The following MAP3K7 variants were observed in gnomAD, a reference collection of about 807,000 sequenced individuals.
The protein encoded by MAP3K7 is TGF-beta activated kinase 1.
MAP3K7 carries 21 observed loss-of-function variants against 84.8 expected under a neutral mutation model. The ratio of observed to expected loss-of-function variants is 0.25; its 90% CI spans 0.18 to 0.36. The LOEUF (loss-of-function observed/expected upper bound fraction) is 0.36. Ranked by LOEUF, MAP3K7 falls within the 10% of genes least tolerant of loss-of-function variation. The pLI is 1.00. For synonymous variants in MAP3K7, 241 were observed against 247.7 expected, an observed-to-expected ratio of 0.97 and a Z score of 0.25; for missense variants, 503 against 747.7, an observed-to-expected ratio of 0.67 and a Z score of 3.82.
intron 14 of MAP3K7, among the ~76,000 whole-genome samples, chr6:90,520,807 AC>A (rs952378584): frequency 6.6e-6 from 1 of 152,074 alleles, no homozygotes; most frequent in Non-Finnish European, 1.5e-5. Context: ...GTGGTTTCAA[AC>A]TACGCTCCCA....
intron 14 of MAP3K7, among the ~76,000 whole-genome samples, chr6:90,521,395 T>A (rs534660736): frequency 6.6e-6 from 1 of 152,178 alleles, no homozygotes; most frequent in East Asian, 1.9e-4. Context: ...ACAACACTTG[T>A]TACTATCTCA....
In MAP3K7 at chr6:90,536,285, T is replaced by C. The variant is rs528615625; in HGVS notation, c.1356+52A>G. ...TTGCAGAGTAGAATACAGTTAATTC[T>C]TGTTTTCTGCCTAGTATTCTTCAAA... On this transcript the variant is annotated intron_variant, in intron 13 of 16. Transcript: ENST00000369329. The C allele has an allele frequency of 8.4e-6, 12 of 1,432,078 alleles. No individual in the cohort carries two copies. The East Asian group carries it at 2.5e-4, about 30-fold the overall frequency. The allele number at this position is 1,432,078 out of a possible 1,614,324, so 88.7% of individuals were successfully genotyped here.
intron 3 of MAP3K7, 141 bp downstream of exon 3, chr6:90,568,417 G>A (rs190812034): frequency 4.5e-5 from 28 of 617,840 alleles, no homozygotes; most frequent in African/African-American, 9.3e-5. Context: ...AGTATTGGAG[G>A]TACCTTTTTA....
At chr6:90,539,292 A>AT (rs1158746515) in intron 12 of MAP3K7, among the ~76,000 whole-genome samples, 1 of 151,930 alleles carries the variant, frequency 6.6e-6, no homozygotes, top group Non-Finnish European at 1.5e-5. Context: ...ATCTTGGTAG[A>AT]CTATACAATA....
At chr6:90,570,738 T>G (rs1776874055) in intron 2 of MAP3K7, among the ~76,000 whole-genome samples, 1 of 152,218 alleles carries the variant, frequency 6.6e-6, no homozygotes, top group Non-Finnish European at 1.5e-5. Flanking sequence ...TGACTTGTGA[T>G]TCCTAATGTT....
intron 1 of MAP3K7, 127 bp from the exon 2 acceptor site, chr6:90,571,934 G>C (rs1048144108): frequency 4.2e-5 from 20 of 481,870 alleles, no homozygotes; most frequent in Middle Eastern, 3.9e-4. Context: ...AAAAAACATG[G>C]AAATCAACAG....
intron 1 of MAP3K7, among the ~76,000 whole-genome samples, chr6:90,582,025 C>T (rs762541084): frequency 3.3e-5 from 5 of 152,148 alleles, no homozygotes; most frequent in Non-Finnish European, 5.9e-5. Flanking sequence ...AATACTATAG[C>T]TTTGTTCCTA....
chr6:90,531,136 A>G (rs888601985), intron 13 of MAP3K7, among the ~76,000 whole-genome samples: 1 of 152,208 alleles, frequency 6.6e-6, no homozygotes, highest in Non-Finnish European at 1.5e-5. Flanking sequence ...GCAGATTACC[A>G]TCAGTAGACA....
chr6:90,556,117 C>A (rs942212466), intron 6 of MAP3K7, among the ~76,000 whole-genome samples: 2 of 152,224 alleles, frequency 1.3e-5, no homozygotes, highest in Admixed American at 1.3e-4. Context: ...TGGAAGCATG[C>A]GTTAGATGAC....
At chr6:90,586,378 CAAAAAAAAAAAA>C (rs71027942) in intron 1 of MAP3K7, among the ~76,000 whole-genome samples, 1 of 78,578 alleles carries the variant, frequency 1.3e-5, no homozygotes, top group African/African-American at 5.2e-5. Flanking sequence ...GACTCCGTCT[CAAAAAAAAAAAA>C]AAAAAAAAAA....
In MAP3K7 at chr6:90,552,783, A is replaced by G. The variant is rs1212969205; in HGVS notation, c.737-604T>C. The stretch of plus-strand genomic sequence containing the variant: ...TGTGGTTAAAAACAACATTACCAGA[A>G]CTATAAAAGAAACAGGACAGATGCA... On this transcript the variant is annotated intron_variant, in intron 7 of 16. Coordinates refer to ENST00000369329, the MANE Select transcript of MAP3K7 (RefSeq NM_145331.3). Among the ~76,000 whole-genome samples the G allele has an allele frequency of 8.5e-5, 13 of 152,356 alleles. No individual in the cohort carries two copies. The East Asian group carries it at 2.5e-3, about 29-fold the overall frequency.
At chr6:90,568,459 T>A (rs900166482) in intron 3 of MAP3K7, 99 bp downstream of exon 3, 8 of 920,760 alleles carry the variant, frequency 8.7e-6, no homozygotes, top group Non-Finnish European at 1.3e-5. Flanking sequence ...TTGAAAAACT[T>A]AAAAAAAACA....
At chr6:90,578,194 T>C (rs1777149325) in intron 1 of MAP3K7, among the ~76,000 whole-genome samples, 1 of 152,206 alleles carries the variant, frequency 6.6e-6, no homozygotes, top group Admixed American at 6.5e-5. Context: ...AACAGTAGTT[T>C]ATAGAAAAAT....
chr6:90,545,543 A>C (rs542299430), intron 11 of MAP3K7, among the ~76,000 whole-genome samples: 1 of 152,248 alleles, frequency 6.6e-6, no homozygotes, highest in Non-Finnish European at 1.5e-5. Flanking sequence ...TCCTCAAAGC[A>C]TGAGGGTATG....
At chr6:90,543,235 A>G (rs1775907689) in intron 12 of MAP3K7, among the ~76,000 whole-genome samples, 1 of 152,092 alleles carries the variant, frequency 6.6e-6, no homozygotes, top group Non-Finnish European at 1.5e-5. Flanking sequence ...AAAAATTACC[A>G]TGTGAAAAAT....
chr6:90,544,759 T>C (rs1459159871), intron 11 of MAP3K7, 127 bp from the exon 12 acceptor site: 1 of 743,128 alleles, frequency 1.3e-6, no homozygotes, highest in African/African-American at 1.7e-5. Flanking sequence ...CAGAATGGCA[T>C]GCAGAACTAC....
At position 90,515,033 on chromosome 6, in the gene MAP3K7, A is replaced by C. The variant is rs976536929; in HGVS notation, c.*1468T>G. 7.9e-5 allele frequency: 12 copies of C among 152,050 alleles called. No individual in the cohort carries two copies. The highest frequency in any genetic ancestry group is 1.5e-4 in the Non-Finnish European group (10 of 67,960). The allele number at this position is 152,050 out of a possible 1,614,324, so 9.4% of individuals were successfully genotyped here. ...GTAGGAGGAAAAAATAATGGAAGAAAAAGTTACCTGCTTTAGCATTTTAAA... is the reference window on the plus strand; with the variant it reads ...GTAGGAGGAAAAAATAATGGAAGAACAAGTTACCTGCTTTAGCATTTTAAA... On this transcript the variant is annotated 3_prime_UTR_variant, in exon 17 of 17. Transcript: ENST00000369329.
At chr6:90,582,282 A>ATTT (rs916815122) in intron 1 of MAP3K7, among the ~76,000 whole-genome samples, 1 of 152,176 alleles carries the variant, frequency 6.6e-6, no homozygotes, top group Non-Finnish European at 1.5e-5. Context: ...CTCAGCTCCT[A>ATTT]TTTTATCACA....
chr6:90,564,946 G>A (rs937090979), intron 3 of MAP3K7, among the ~76,000 whole-genome samples: 2 of 151,198 alleles, frequency 1.3e-5, no homozygotes, highest in African/African-American at 4.8e-5. Context: ...CATGGAAACT[G>A]AACAATGGAC....
Sources: allele counts gnomAD v4.1 joint callset (sites outside exome capture counted in the v4.1 genomes callset), GRCh38; gene constraint gnomAD v4.1.1; transcripts MANE v1.5; gene names NCBI Gene and HGNC (gene_info 2026-07-23, HGNC 2026-07-21).